The following ZNF397 variants were observed in gnomAD, a reference collection of about 807,000 sequenced individuals.
The protein encoded by ZNF397 is zinc finger and SCAN domain-containing protein 15.
ZNF397 carries 38 observed loss-of-function variants against 50.6 expected under a neutral mutation model. The ratio of observed to expected loss-of-function variants is 0.75; its 90% CI spans 0.58 to 0.98. The LOEUF (loss-of-function observed/expected upper bound fraction) is 0.98, where lower values mean the gene tolerates loss of function less well. Ranked by LOEUF, ZNF397 falls within the 50% of genes least tolerant of loss-of-function variation. The pLI is 0.00. For synonymous variants in ZNF397, 228 were observed against 215.2 expected, an observed-to-expected ratio of 1.06 and a Z score of -0.52; for missense variants, 624 against 624.1, an observed-to-expected ratio of 1.00 and a Z score of 0.00.
At position 35,246,601 on chromosome 18, in the gene ZNF397, A is replaced by G; in HGVS notation, c.*291A>G. The G allele has an allele frequency of 1.7e-6, 2 of 1,158,738 alleles. No homozygotes were observed. The highest frequency in any genetic ancestry group is 2.1e-6 in the Non-Finnish European group (2 of 939,374). 71.8% of individuals were successfully genotyped at this position (1,158,738 alleles called of 1,614,324 possible). ...TAACATTGAAACCTCATTTTGTATG[A>G]AAGTGTCATGAATATAGCAACCCAG... On this transcript the variant is annotated 3_prime_UTR_variant, in exon 4 of 4. Transcript: ENST00000330501.
At chr18:35,257,588 C>A in intron 5 of ZNF397, 1 of 295,150 alleles carries the variant, frequency 3.4e-6, no homozygotes. Context: ...AACTTCTCAG[C>A]CTCCAGAACT....
At position 35,249,026 on chromosome 18, in the gene ZNF397, T is replaced by G. The variant is rs2043526395; in HGVS notation, c.*2716T>G. 1 of 152,044 alleles carries G rather than the reference T, an allele frequency of 6.6e-6. No homozygotes were observed. The highest frequency in any genetic ancestry group is 1.9e-4 in the East Asian group (1 of 5,178). 9.4% of individuals were successfully genotyped at this position (152,044 alleles called of 1,614,324 possible). A position where few individuals can be genotyped will look rare whatever the true frequency, so the allele number is the denominator to read the frequency against. On this transcript the variant is annotated 3_prime_UTR_variant, in exon 4 of 4. Coordinates refer to ENST00000330501, the MANE Select transcript of ZNF397 (RefSeq NM_001135178.3). The stretch of plus-strand genomic sequence containing the variant: ...TGACTGTGGAGCCACTTCAGTATAC[T>G]CTCTCCCCATAAGAAAGTTCCAATA...
chr18:35,246,038 A>G lies in ZNF397; in HGVS notation c.1333A>G (p.Arg445Gly). The change falls in exon 4 of 4, where the codon AGA becomes GGA. Residue 445 changes from arginine to glycine, a missense_variant. By Grantham distance (125) the Arg-to-Gly change is moderately radical. Transcript: ENST00000330501. ...GAGCTCAGAGCTGATTACTCATCAG[A>G]GAATACATAGTGGAGAGAAACCCTA... ...RQSSELITHQ[R>G]IHSGEKPYEC... 6.4e-7 allele frequency: 1 copy of G among 1,565,876 alleles called. No individual in the cohort carries two copies. Among genetic ancestry groups the G allele is most frequent in the Non-Finnish European group, 8.7e-7 (1 of 1,155,208 alleles).
chr18:35,254,728 ATCAGG>A, downstream of ZNF397: 1 of 339,534 alleles, frequency 2.9e-6, no homozygotes, highest in African/African-American at 2.1e-5. Flanking sequence ...TAATGAGATA[ATCAGG>A]AAAAAAAAGT....
downstream of ZNF397, chr18:35,254,626 ATTAG>A: frequency 4.8e-6 from 3 of 623,708 alleles, no homozygotes; most frequent in South Asian, 4.1e-5. Flanking sequence ...AAGGAAAGAC[ATTAG>A]TTAGAGGGAA....
intron 1 of ZNF397, chr18:35,241,658 G>A (rs1364417989): frequency 6.6e-6 from 1 of 152,200 alleles, no homozygotes. Context: ...CTGCTTTTGT[G>A]TATGTGATAC....
intron 1 of ZNF397, 142 bp downstream of exon 1, chr18:35,241,251 C>CA (rs1160529732): frequency 6.6e-6 from 1 of 152,244 alleles, no homozygotes; most frequent in Non-Finnish European, 1.5e-5. Context: ...CTGGGGAACT[C>CA]AGAGGAGGCC....
chr18:35,244,552 G>A (rs982401085), intron 3 of ZNF397, among the ~76,000 whole-genome samples: 1 of 152,120 alleles, frequency 6.6e-6, no homozygotes, highest in African/African-American at 2.4e-5. Flanking sequence ...CTGGAGGAAC[G>A]CTCGTGTTTG....
rs979177258 is a variant in ZNF397, at chr18:35,246,686, G to A, written c.*376G>A. On this transcript the variant is annotated 3_prime_UTR_variant, in exon 4 of 4. Coordinates refer to ENST00000330501, the MANE Select transcript of ZNF397 (RefSeq NM_001135178.3). ...GTTATGGGGCTGGTGTGGACTGTGT[G>A]AGGCACTTCGTCTCAGGAACTAAAA... 1.5e-5 allele frequency: 15 copies of A among 991,972 alleles called. No homozygotes were observed. The Admixed American group carries it at 7.9e-4, about 52-fold the overall frequency. 61.4% of individuals were successfully genotyped at this position (991,972 alleles called of 1,614,324 possible). A position where few individuals can be genotyped will look rare whatever the true frequency, so the allele number is the denominator to read the frequency against.
downstream of ZNF397, chr18:35,254,571 G>A: frequency 1.0e-6 from 1 of 961,886 alleles, no homozygotes; most frequent in Non-Finnish European, 1.5e-6. Flanking sequence ...GGAGAGTAAG[G>A]TAGACAAAGA....
At chr18:35,254,187 G>A (rs760993311), downstream of ZNF397, 9 of 1,614,038 alleles carry the variant, frequency 5.6e-6, no homozygotes, top group Non-Finnish European at 7.6e-6. Context: ...TGGGAAGGAA[G>A]CTGACTGATT....
chr18:35,249,053 A>G lies in ZNF397; in HGVS notation c.*2743A>G, dbSNP rs983113577. 1 of 152,000 alleles carries G rather than the reference A, an allele frequency of 6.6e-6. No homozygotes were observed. The highest frequency in any genetic ancestry group is 1.5e-5 in the Non-Finnish European group (1 of 68,002). The allele number at this position is 152,000 out of a possible 1,614,324, so 9.4% of individuals were successfully genotyped here. A position where few individuals can be genotyped will look rare whatever the true frequency, so the allele number is the denominator to read the frequency against. ...TCTCCCCATAAGAAAGTTCCAATAG[A>G]AAAAAAATGCTACTTAAGTAGGGAA... On this transcript the variant is annotated 3_prime_UTR_variant, in exon 4 of 4. Coordinates refer to ENST00000330501, the MANE Select transcript of ZNF397 (RefSeq NM_001135178.3).
Position 35,246,493 on chromosome 18 carries a change from T to A in ZNF397, c.*183T>A, listed in dbSNP as rs1252594227. The A allele has an allele frequency of 7.8e-6, 11 of 1,403,362 alleles. No homozygotes were observed. The highest frequency in any genetic ancestry group is 1.0e-5 in the Non-Finnish European group (11 of 1,083,490). 86.9% of individuals were successfully genotyped at this position (1,403,362 alleles called of 1,614,324 possible). ...GTCCCTTGAAAGCTTTTCCTGTGAC[T>A]AATCAGAACAGAATACAGAAGAATC... On this transcript the variant is annotated 3_prime_UTR_variant, in exon 4 of 4. Transcript: ENST00000330501.
At chr18:35,253,889 C>A (rs553339887), downstream of ZNF397, 3 of 1,614,134 alleles carry the variant, frequency 1.9e-6, no homozygotes, top group South Asian at 1.1e-5. Context: ...ACTATGAATT[C>A]TCTGATGTCT....
downstream of ZNF397, chr18:35,252,166 C>T (rs554942029): frequency 6.6e-6 from 1 of 152,310 alleles, no homozygotes; most frequent in East Asian, 1.9e-4. Context: ...CTTATAATCA[C>T]TGAGTTGGGG....
At chr18:35,250,556 C>A (rs536823227), downstream of ZNF397, among the ~76,000 whole-genome samples, 1 of 152,244 alleles carries the variant, frequency 6.6e-6, no homozygotes, top group East Asian at 1.9e-4. Flanking sequence ...TGCCTTTCCC[C>A]TTCCCTCATT....
chr18:35,249,676 AAACACTG>A lies in ZNF397; in HGVS notation c.*3368_*3374del. Reference sequence around the variant, plus strand: ...TCAAAAAAAAAAAAAAAAAAAAAAAAAACACTGATGTCAATTAATATTAAATGAAGTA... The same window carrying A: ...TCAAAAAAAAAAAAAAAAAAAAAAAAATGTCAATTAATATTAAATGAAGTA... On this transcript the variant is annotated 3_prime_UTR_variant, in exon 4 of 4. Coordinates refer to ENST00000330501, the MANE Select transcript of ZNF397 (RefSeq NM_001135178.3). The A allele has an allele frequency of 8.8e-6, 1 of 113,570 alleles. No homozygotes were observed. Among genetic ancestry groups the A allele is most frequent in the South Asian group, 2.6e-4 (1 of 3,844 alleles). 7.0% of individuals were successfully genotyped at this position (113,570 alleles called of 1,614,324 possible). A position where few individuals can be genotyped will look rare whatever the true frequency, so the allele number is the denominator to read the frequency against.
At chr18:35,255,326 C>G (rs578248900) in intron 5 of ZNF397, among the ~76,000 whole-genome samples, 2 of 151,688 alleles carry the variant, frequency 1.3e-5, no homozygotes, top group East Asian at 4.0e-4. Context: ...CTAGAGATTT[C>G]TAGTAACTAG....
At chr18:35,258,023 G>A (rs980715453) in exon 6 of ZNF397, 2 of 780,196 alleles carry the variant, frequency 2.6e-6, no homozygotes, top group African/African-American at 3.4e-5. Flanking sequence ...GGCTAGTGAA[G>A]CACCTACAAG....
Sources: allele counts gnomAD v4.1 joint callset (sites outside exome capture counted in the v4.1 genomes callset), GRCh38; gene constraint gnomAD v4.1.1; transcripts MANE v1.5; gene names NCBI Gene and HGNC (gene_info 2026-07-23, HGNC 2026-07-21).